The following SMARCA5 variants were observed in gnomAD, a reference collection of about 807,000 sequenced individuals.
SMARCA5 encodes SNF2 related chromatin remodeling ATPase 5.
A neutral mutation model predicts 140.4 loss-of-function variants in SMARCA5; 18 were observed. That is an observed-to-expected ratio of 0.13 (90% confidence interval 0.09 to 0.19). The LOEUF (loss-of-function observed/expected upper bound fraction) is 0.19. Among genes scored for constraint, SMARCA5 ranks in the 10% least tolerant of loss-of-function variants. The pLI is 1.00. For synonymous variants in SMARCA5, 449 were observed against 419.6 expected (o/e 1.07, Z -0.86); for missense variants, 606 against 1,276.8 (o/e 0.47, Z 8.01).
chr4:143,513,825 C>G lies in SMARCA5; in HGVS notation c.-100C>G, dbSNP rs1008932068. ...GCGCTCGGGTGGGAGTCTCGCTCCT[C>G]CACCAGTTTATTGCGACGTAGCATC... On this transcript the variant is annotated 5_prime_UTR_variant, in exon 1 of 24. Coordinates refer to ENST00000283131, the MANE Select transcript of SMARCA5 (RefSeq NM_003601.4). The G allele has an allele frequency of 6.6e-6, 9 of 1,359,538 alleles. No homozygotes were observed. Among genetic ancestry groups the G allele is most frequent in the African/African-American group, 4.4e-5 (3 of 68,002 alleles). 84.2% of individuals were successfully genotyped at this position (1,359,538 alleles called of 1,614,324 possible).
chr4:143,529,743 T>C (rs1737145998), intron 8 of SMARCA5, among the ~76,000 whole-genome samples: 1 of 152,220 alleles, frequency 6.6e-6, no homozygotes, highest in Admixed American at 6.5e-5. Context: ...TATTAATTAA[T>C]TTTGTTTTTT....
intron 9 of SMARCA5, among the ~76,000 whole-genome samples, chr4:143,533,758 C>T (rs984055058): frequency 2.0e-5 from 3 of 152,104 alleles, no homozygotes; most frequent in African/African-American, 4.8e-5. Context: ...CTGCCTGCCT[C>T]GGCCTCCCGA....
chr4:143,538,327 A>G (rs1001991284), intron 11 of SMARCA5, among the ~76,000 whole-genome samples: 1 of 152,198 alleles, frequency 6.6e-6, no homozygotes, highest in African/African-American at 2.4e-5. Flanking sequence ...GATAATGATT[A>G]TCTTACCCTT....
chr4:143,555,680 T>G lies in SMARCA5; in HGVS notation c.*2496T>G. 1 of 217,642 alleles carries G rather than the reference T, an allele frequency of 4.6e-6. No homozygotes were observed. The highest frequency in any genetic ancestry group is 9.1e-6 in the Non-Finnish European group (1 of 109,526). The allele number at this position is 217,642 out of a possible 1,614,324, so 13.5% of individuals were successfully genotyped here. Reference sequence around the variant, plus strand: ...TTACTACTTTTAAGAGACAGGGTCTTGCTCTGTCACCCAGGCTGGAGTGCA... The same window carrying G: ...TTACTACTTTTAAGAGACAGGGTCTGGCTCTGTCACCCAGGCTGGAGTGCA... On this transcript the variant is annotated 3_prime_UTR_variant, in exon 24 of 24. Coordinates refer to ENST00000283131, the MANE Select transcript of SMARCA5 (RefSeq NM_003601.4).
At chr4:143,535,582 A>G (rs1274298908) in intron 10 of SMARCA5, among the ~76,000 whole-genome samples, 1 of 152,124 alleles carries the variant, frequency 6.6e-6, no homozygotes, top group African/African-American at 2.4e-5. Context: ...GTCCTCAAAA[A>G]CTTCTGAAAG....
intron 3 of SMARCA5, 29 bp from the exon 4 acceptor site, chr4:143,524,338 A>G (rs1222825958): frequency 6.7e-7 from 1 of 1,500,668 alleles, no homozygotes; most frequent in East Asian, 2.3e-5. Context: ...CAAAACTCAA[A>G]TCAGGTTATT....
At position 143,528,861 on chromosome 4, in the gene SMARCA5, T is replaced by C. The variant is rs1281773199; in HGVS notation, c.1089+147T>C. 7.1e-6 allele frequency: 4 copies of C among 565,778 alleles called. No homozygotes were observed. The African/African-American group carries it at 7.8e-5, about 11-fold the overall frequency. The allele number at this position is 565,778 out of a possible 1,614,324, so 35.0% of individuals were successfully genotyped here. A position where few individuals can be genotyped will look rare whatever the true frequency, so the allele number is the denominator to read the frequency against. ...TATTTACATAGTTAGCCTGGTGTTATCTCCTAGGTTGTCTCTGTATAATGG... is the reference window on the plus strand; with the variant it reads ...TATTTACATAGTTAGCCTGGTGTTACCTCCTAGGTTGTCTCTGTATAATGG... On this transcript the variant is annotated intron_variant, in intron 8 of 23. Transcript: ENST00000283131.
At chr4:143,517,920 C>T (rs892357548) in intron 2 of SMARCA5, among the ~76,000 whole-genome samples, 1 of 152,110 alleles carries the variant, frequency 6.6e-6, no homozygotes, top group Non-Finnish European at 1.5e-5. Flanking sequence ...CTATAACTTC[C>T]ATATCTTATG....
chr4:143,549,887 G>T (rs953163771), intron 22 of SMARCA5, 110 bp from the exon 23 acceptor site: 1 of 582,442 alleles, frequency 1.7e-6, no homozygotes, highest in Non-Finnish European at 3.1e-6. Flanking sequence ...TAAATCAGGG[G>T]TGTATTAGTG....
In SMARCA5 at chr4:143,556,609, C is replaced by A. The variant is rs1377438782; in HGVS notation, c.*3425C>A. On this transcript the variant is annotated 3_prime_UTR_variant, in exon 24 of 24. Coordinates refer to ENST00000283131, the MANE Select transcript of SMARCA5 (RefSeq NM_003601.4). ...ACATGTATTAACGGAGTAGCTGTTA[C>A]CAAAATATATACATATTTTGTATAT... 1 of 152,060 alleles carries A rather than the reference C, an allele frequency of 6.6e-6. No homozygotes were observed. Among genetic ancestry groups the A allele is most frequent in the African/African-American group, 2.4e-5 (1 of 41,386 alleles). 9.4% of individuals were successfully genotyped at this position (152,060 alleles called of 1,614,324 possible).
rs924891088 is a variant in SMARCA5 at position 143,554,162 on chromosome 4, A to G, written c.*978A>G. 13 of 152,130 alleles carry G rather than the reference A, an allele frequency of 8.5e-5. No individual in the cohort carries two copies. The highest frequency in any genetic ancestry group is 1.3e-4 in the Non-Finnish European group (9 of 67,982). The allele number at this position is 152,130 out of a possible 1,614,324, so 9.4% of individuals were successfully genotyped here. ...ACTATAATTCCAGTTTCTGTTTTCT[A>G]TGGACAGACCTGATAAACTGGAGAC... On this transcript the variant is annotated 3_prime_UTR_variant, in exon 24 of 24. Transcript: ENST00000283131.
Position 143,556,144 on chromosome 4 carries a change from T to G in SMARCA5, c.*2960T>G, listed in dbSNP as rs946928903. 2 of 152,216 alleles carry G rather than the reference T, an allele frequency of 1.3e-5. No homozygotes were observed. The highest frequency in any genetic ancestry group is 4.8e-5 in the African/African-American group (2 of 41,462). 9.4% of individuals were successfully genotyped at this position (152,216 alleles called of 1,614,324 possible). A position where few individuals can be genotyped will look rare whatever the true frequency, so the allele number is the denominator to read the frequency against. On this transcript the variant is annotated 3_prime_UTR_variant, in exon 24 of 24. Coordinates refer to ENST00000283131, the MANE Select transcript of SMARCA5 (RefSeq NM_003601.4). ...AGGGATGCTGAACTGATAAGTATAATGCAAGTATTCTAAAGTCTGGAAAAT... is the reference window on the plus strand; with the variant it reads ...AGGGATGCTGAACTGATAAGTATAAGGCAAGTATTCTAAAGTCTGGAAAAT...
chr4:143,536,521 A>G lies in SMARCA5; in HGVS notation c.1338A>G (p.Leu446=), dbSNP rs1737308283. 2 of 1,613,952 alleles carry G rather than the reference A, an allele frequency of 1.2e-6. No individual in the cohort carries two copies. Among genetic ancestry groups the G allele is most frequent in the Non-Finnish European group, 8.5e-7 (1 of 1,179,850 alleles). ...CAGGCAAGATGGACAAAATGAGGTT[A>G]TTGAACATCCTAATGCAGTTGAGAA... The part of the protein sequence containing the change: ...NSAGKMDKMR[L]LNILMQLRKC... Residue 446 remains leucine (L), a synonymous_variant, in exon 11 of 24, where the codon TTA becomes TTG. Coordinates refer to ENST00000283131, the MANE Select transcript of SMARCA5 (RefSeq NM_003601.4).
intron 2 of SMARCA5, among the ~76,000 whole-genome samples, chr4:143,520,958 G>C (rs937092407): frequency 5.9e-5 from 9 of 152,018 alleles, no homozygotes; most frequent in Admixed American, 5.9e-4. Context: ...ATTTTTTCCA[G>C]CTTCTGAGTA....
intron 13 of SMARCA5, among the ~76,000 whole-genome samples, 168 bp from the exon 14 acceptor site, chr4:143,540,195 A>G (rs1737401101): frequency 6.6e-6 from 1 of 152,238 alleles, no homozygotes; most frequent in Non-Finnish European, 1.5e-5. Flanking sequence ...GTTTTATCTC[A>G]GTGTAACCTA....
chr4:143,532,323 A>G (rs770802913), intron 9 of SMARCA5, among the ~76,000 whole-genome samples: 3 of 152,180 alleles, frequency 2.0e-5, no homozygotes, highest in Non-Finnish European at 2.9e-5. Flanking sequence ...GCAGAAGAAC[A>G]TGATTTTTTT....
chr4:143,556,798 T>A lies in SMARCA5; in HGVS notation c.*3614T>A, dbSNP rs1225603897. 1.3e-5 allele frequency: 2 copies of A among 152,138 alleles called. No homozygotes were observed. The highest frequency in any genetic ancestry group is 2.9e-5 in the Non-Finnish European group (2 of 68,020). 9.4% of individuals were successfully genotyped at this position (152,138 alleles called of 1,614,324 possible). ...GTGTACATCCCAGAATCGTTTTGGA[T>A]CTGTTAAGGTTTTTATTAGAATGAT... is the stretch of plus-strand genomic sequence containing the variant. On this transcript the variant is annotated 3_prime_UTR_variant, in exon 24 of 24. Transcript: ENST00000283131.
At chr4:143,536,938 A>C (rs1322624332) in intron 11 of SMARCA5, among the ~76,000 whole-genome samples, 1 of 152,190 alleles carries the variant, frequency 6.6e-6, no homozygotes, top group Non-Finnish European at 1.5e-5. Context: ...ACTTTCCTAG[A>C]AATTATAGCT....
chr4:143,556,547 A>T lies in SMARCA5; in HGVS notation c.*3363A>T, dbSNP rs1401728576. The T allele has an allele frequency of 6.6e-6, 1 of 152,238 alleles. No homozygotes were observed. Among genetic ancestry groups the T allele is most frequent in the African/African-American group, 2.4e-5 (1 of 41,458 alleles). The allele number at this position is 152,238 out of a possible 1,614,324, so 9.4% of individuals were successfully genotyped here. On this transcript the variant is annotated 3_prime_UTR_variant, in exon 24 of 24. Coordinates refer to ENST00000283131, the MANE Select transcript of SMARCA5 (RefSeq NM_003601.4). ...TAGATTAATGACACAAGGTGGATTG[A>T]TGAACTCATAAATCCAAATGAATGG... is the stretch of plus-strand genomic sequence containing the variant.
Sources: gnomAD v4.1 joint callset for allele counts (sites outside exome capture counted in the v4.1 genomes callset) on GRCh38, gnomAD v4.1.1 for gene constraint, MANE v1.5 for transcripts, NCBI Gene and HGNC (gene_info 2026-07-23, HGNC 2026-07-21) for gene names.